Variants in ZFHX3 observed in about 807,000 individuals in gnomAD.
ZFHX3 encodes zinc finger homeobox 3, also known as zinc finger homeobox protein 3.
In ZFHX3, 42 loss-of-function variants were observed where a neutral mutation model predicts 279.1. The ratio of observed to expected loss-of-function variants is 0.15; its 90% CI spans 0.12 to 0.19. The LOEUF is 0.19. Ranked by LOEUF, ZFHX3 falls within the 10% of genes least tolerant of loss-of-function variation. ZFHX3 has a pLI of 1.00. For missense variants in ZFHX3, 4,981 were observed against 4,754.0 expected (o/e 1.05, Z -1.40); for synonymous variants, 2,293 against 1,957.8 (o/e 1.17, Z -4.52).
chr16:73,633,295 A>G (rs1356542273), intron 2 of ZFHX3, among the ~76,000 whole-genome samples: 1 of 152,208 alleles, frequency 6.6e-6, no homozygotes, highest in Non-Finnish European at 1.5e-5. Context: ...CAAAGAAACT[A>G]TGACTGGCCA....
chr16:73,161,263 C>T (rs59278375), intron 5 of ZFHX3, among the ~76,000 whole-genome samples: 5,947 of 152,144 alleles, frequency 0.039, 376 homozygotes, highest in African/African-American at 0.13. Context: ...TGTGAGCCAC[C>T]GCCCTGCCCA....
intron 3 of ZFHX3, among the ~76,000 whole-genome samples, chr16:73,349,172 C>T (rs2016177355): frequency 6.6e-6 from 1 of 152,128 alleles, no homozygotes; most frequent in African/African-American, 2.4e-5. Context: ...TTTTGTTCTG[C>T]CACAGCAAAG....
intron 1 of ZFHX3, among the ~76,000 whole-genome samples, chr16:73,694,230 G>A (rs2053174795): frequency 6.6e-6 from 1 of 152,144 alleles, no homozygotes; most frequent in Non-Finnish European, 1.5e-5. Flanking sequence ...GGCTGAGGCA[G>A]GAGAATCGCT....
At chr16:73,058,174 C>T (rs1965605181) in intron 1 of ZFHX3, among the ~76,000 whole-genome samples, 1 of 145,142 alleles carries the variant, frequency 6.9e-6, no homozygotes, top group African/African-American at 2.5e-5. Flanking sequence ...CGCCTCCACC[C>T]TCCCGGGGGT....
rs988108808 is a variant in ZFHX3, at chr16:73,070,888, C to G, written c.-532-11876G>C. 2.7e-4 allele frequency among the ~76,000 whole-genome samples: 41 copies of G among 149,872 alleles called. 1 individual carries two copies. Among genetic ancestry groups the G allele is most frequent in the African/African-American group, 1.0e-3 (41 of 40,522 alleles). ...CACACTTTCCTTTGTTTTCTTTTCC[C>G]CTTGCGGGCTGGTTCCTAGACCGTC... is the stretch of plus-strand genomic sequence containing the variant. On this transcript the variant is annotated intron_variant, in intron 8 of 17. Transcript: ENST00000641206.
At chr16:73,709,729 T>C (rs1350637651) in intron 1 of ZFHX3, among the ~76,000 whole-genome samples, 2 of 152,102 alleles carry the variant, frequency 1.3e-5, no homozygotes, top group Non-Finnish European at 2.9e-5. Flanking sequence ...ACAGTAACAA[T>C]GTACTGTATC....
intron 2 of ZFHX3, among the ~76,000 whole-genome samples, chr16:73,622,045 A>G (rs535905018): frequency 3.2e-4 from 49 of 152,320 alleles, no homozygotes; most frequent in East Asian, 1.2e-3. Context: ...TTCTGTTTCA[A>G]GCTTTCCATG....
chr16:73,497,367 T>G (rs1198126022), intron 2 of ZFHX3, among the ~76,000 whole-genome samples: 3 of 152,168 alleles, frequency 2.0e-5, no homozygotes, highest in African/African-American at 7.2e-5. Context: ...CGGTTGTGGG[T>G]CTCATGAAAT....
At chr16:73,126,184 G>T (rs1966566980) in intron 7 of ZFHX3, among the ~76,000 whole-genome samples, 1 of 152,120 alleles carries the variant, frequency 6.6e-6, no homozygotes, top group South Asian at 2.1e-4. Context: ...GGGAGGCTCT[G>T]GGAAGCCACT....
At chr16:73,608,451 A>G (rs553112007) in intron 2 of ZFHX3, among the ~76,000 whole-genome samples, 2 of 152,376 alleles carry the variant, frequency 1.3e-5, no homozygotes, top group South Asian at 2.1e-4. Context: ...CAGATTACAA[A>G]TACAGACCAG....
intron 8 of ZFHX3, among the ~76,000 whole-genome samples, chr16:73,091,449 AC>A (rs1678022963): frequency 6.6e-6 from 1 of 152,006 alleles, no homozygotes; most frequent in Non-Finnish European, 1.5e-5. Flanking sequence ...CCAGGGACTT[AC>A]CTTCCTCGAA....
intron 2 of ZFHX3, among the ~76,000 whole-genome samples, chr16:73,470,607 A>T (rs1009517628): frequency 1.3e-5 from 2 of 152,208 alleles, no homozygotes; most frequent in Admixed American, 6.5e-5. Context: ...CCCAAATTAT[A>T]GTTCTAAATG....
intron 5 of ZFHX3, among the ~76,000 whole-genome samples, chr16:73,191,410 C>T (rs907141627): frequency 1.3e-5 from 2 of 152,138 alleles, no homozygotes; most frequent in Admixed American, 1.3e-4. Context: ...AAGCCCCTTC[C>T]AAACTGCCTC....
chr16:73,757,926 G>A (rs752121826), intron 1 of ZFHX3, among the ~76,000 whole-genome samples: 1 of 152,144 alleles, frequency 6.6e-6, no homozygotes, highest in African/African-American at 2.4e-5. Context: ...TAAAGCTTCA[G>A]GTAAGCAACT....
chr16:73,045,816 T>TGGG (rs1965278400), intron 1 of ZFHX3, among the ~76,000 whole-genome samples: 20 of 136,870 alleles, frequency 1.5e-4, no homozygotes, highest in Middle Eastern at 4.3e-3. Context: ...GGGGGGGGGT[T>TGGG]GTTGAGAGAG....
At chr16:73,433,312 T>C (rs1379988006) in intron 3 of ZFHX3, among the ~76,000 whole-genome samples, 1 of 152,172 alleles carries the variant, frequency 6.6e-6, no homozygotes, top group Non-Finnish European at 1.5e-5. Flanking sequence ...CATGTTCCCA[T>C]TAGTCACTTG....
chr16:73,308,066 G>T (rs764683209), intron 4 of ZFHX3, among the ~76,000 whole-genome samples: 3 of 151,738 alleles, frequency 2.0e-5, no homozygotes, highest in Non-Finnish European at 4.4e-5. Context: ...AGGGGGAAAA[G>T]GCACTTAGAA....
chr16:73,856,227 C>T (rs1961723783), intron 1 of ZFHX3, among the ~76,000 whole-genome samples: 1 of 152,128 alleles, frequency 6.6e-6, no homozygotes, highest in African/African-American at 2.4e-5. Context: ...GGTGGGATTA[C>T]ACCTTATTTT....
rs550485797 is a variant in ZFHX3, at chr16:72,902,355, G to A, written c.3217-12393C>T. ...TCCAAACACAGGCTCCCAATCAATA[G>A]CCCGGACCAGCTTAATGAGGTGGGG... On this transcript the variant is annotated intron_variant, in intron 3 of 9. Coordinates refer to ENST00000268489, the MANE Select transcript of ZFHX3 (RefSeq NM_006885.4). Among the ~76,000 whole-genome samples the A allele has an allele frequency of 4.6e-5, 7 of 152,296 alleles. No homozygotes were observed. In the South Asian group the frequency reaches 1.5e-3, roughly 32 times the overall value.
Sources: gnomAD v4.1 joint callset for allele counts (sites outside exome capture counted in the v4.1 genomes callset) on GRCh38, gnomAD v4.1.1 for gene constraint, MANE v1.5 for transcripts, NCBI Gene and HGNC (gene_info 2026-07-23, HGNC 2026-07-21) for gene names.